The following RCAN3 variants were observed in gnomAD, a reference collection of about 807,000 sequenced individuals.
RCAN3 encodes calcipressin-3.
RCAN3 carries 19 observed loss-of-function variants against 21.9 expected under a neutral mutation model. That is an observed-to-expected ratio of 0.87 (90% CI 0.61 to 1.27). RCAN3 has a LOEUF of 1.27. Among genes scored for constraint, RCAN3 ranks in the 50% most tolerant of loss-of-function variants. The pLI is 0.00. For synonymous variants in RCAN3, 114 were observed against 112.3 expected, an observed-to-expected ratio of 1.01 and a Z score of -0.09; for missense variants, 240 against 300.1, an observed-to-expected ratio of 0.80 and a Z score of 1.48.
In RCAN3 at chr1:24,525,323, C is replaced by G. The variant is rs1373865951; in HGVS notation, c.196-5895C>G. Among the ~76,000 whole-genome samples, 1 of 152,202 alleles carries G rather than the reference C, an allele frequency of 6.6e-6. No homozygotes were observed. Among genetic ancestry groups the G allele is most frequent in the Non-Finnish European group, 1.5e-5 (1 of 68,036 alleles). On this transcript the variant is annotated intron_variant, in intron 2 of 4. Transcript: ENST00000374395. This position sits in a 1 kb window ranked among gnomAD's most constrained non-coding sequence, Gnocchi z 4.1. ...ATTTTAGGTACAAGGTATGTACTGT[C>G]ATTTTGATGACTGACTAACTGCACA... is the stretch of plus-strand genomic sequence containing the variant.
chr1:24,512,389 C>G (rs1446948839), intron 1 of RCAN3, among the ~76,000 whole-genome samples: 1 of 151,612 alleles, frequency 6.6e-6, no homozygotes, highest in Non-Finnish European at 1.5e-5. Context: ...GCTGATGGAA[C>G]GAGGTTCTTT....
rs1247932608 is a variant in RCAN3 at position 24,515,719 on chromosome 1, G to A, written c.195+1152G>A. On this transcript the variant is annotated intron_variant, in intron 2 of 4. Coordinates refer to ENST00000374395, the MANE Select transcript of RCAN3 (RefSeq NM_013441.4). Reference sequence around the variant, plus strand: ...TACGGTGTGCCAGGCGCTGGTGCCAGTTGCTTCAGGGGATAGAGTGTGAGT... The same window carrying A: ...TACGGTGTGCCAGGCGCTGGTGCCAATTGCTTCAGGGGATAGAGTGTGAGT... Among the ~76,000 whole-genome samples, 3 of 152,162 alleles carry A rather than the reference G, an allele frequency of 2.0e-5. No homozygotes were observed. In the East Asian group the frequency reaches 5.8e-4, roughly 29 times the overall value.
chr1:24,503,706 T>G (rs1647248409), intron 1 of RCAN3, among the ~76,000 whole-genome samples: 1 of 152,236 alleles, frequency 6.6e-6, no homozygotes, highest in Non-Finnish European at 1.5e-5. Flanking sequence ...ATCATCTCCT[T>G]TAGAGATTAG....
chr1:24,516,927 C>T (rs981296213), intron 2 of RCAN3, among the ~76,000 whole-genome samples: 2 of 152,128 alleles, frequency 1.3e-5, no homozygotes, highest in African/African-American at 4.8e-5. Flanking sequence ...TGAAATCATC[C>T]TTTTGAGTTT....
chr1:24,519,117 G>A (rs1648578421), intron 2 of RCAN3, among the ~76,000 whole-genome samples: 1 of 151,946 alleles, frequency 6.6e-6, no homozygotes, highest in South Asian at 2.1e-4. Context: ...CGCCATGTTG[G>A]CCAAGCTGGT....
rs533354422 is a variant in RCAN3, at chr1:24,503,377, G to A, written c.-60+227G>A. On this transcript the variant is annotated intron_variant, in intron 1 of 4. Transcript: ENST00000374395. Reference sequence around the variant, plus strand: ...CGGGGTCTAGTCTGGCAGCCTCGAGGGTGGTGTCCCGGAAAACAAAACAAA... The same window carrying A: ...CGGGGTCTAGTCTGGCAGCCTCGAGAGTGGTGTCCCGGAAAACAAAACAAA... 5.5e-4 allele frequency among the ~76,000 whole-genome samples: 84 copies of A among 152,178 alleles called. 1 individual carries two copies. In the South Asian group the frequency reaches 0.017, roughly 31 times the overall value.
chr1:24,534,785 C>T (rs902166990), intron 4 of RCAN3, among the ~76,000 whole-genome samples: 4 of 152,104 alleles, frequency 2.6e-5, no homozygotes, highest in Admixed American at 2.0e-4. Context: ...GCCGACAGAG[C>T]GAGACTCCAT....
intron 1 of RCAN3, among the ~76,000 whole-genome samples, chr1:24,504,158 G>T (rs141585608): frequency 6.6e-6 from 1 of 152,128 alleles, no homozygotes; most frequent in Admixed American, 6.6e-5. Context: ...TTACTGCATT[G>T]GCAAGCCTTG....
intron 2 of RCAN3, among the ~76,000 whole-genome samples, chr1:24,520,529 G>A (rs1192190213): frequency 6.6e-6 from 1 of 152,256 alleles, no homozygotes; most frequent in South Asian, 2.1e-4. Context: ...CATGTCCTTT[G>A]TAGGGACATA....
In RCAN3 at chr1:24,509,904, T is replaced by C. The variant is rs1647739893; in HGVS notation, c.-59-4410T>C. On this transcript the variant is annotated intron_variant, in intron 1 of 4. Transcript: ENST00000374395. The stretch of plus-strand genomic sequence containing the variant: ...AAGACTTGAAAGTCAAAGTTACTCC[T>C]TGATCCATGGGCTGCAGAATGGATA... Among the ~76,000 whole-genome samples, 3 of 152,228 alleles carry C rather than the reference T, an allele frequency of 2.0e-5. No homozygotes were observed. The South Asian group carries it at 6.2e-4, about 32-fold the overall frequency.
chr1:24,533,274 C>T lies in RCAN3; in HGVS notation c.541+20C>T. ...GACCAGGTAATAAACTTCTATTTTT[C>T]CTATTTTCTTCCCCAAGAAACTTTT... On this transcript the variant is annotated intron_variant, in intron 4 of 4. Transcript: ENST00000374395. 4.0e-6 allele frequency: 6 copies of T among 1,502,578 alleles called. No individual in the cohort carries two copies. The highest frequency in any genetic ancestry group is 5.3e-6 in the Non-Finnish European group (6 of 1,124,852). The allele number at this position is 1,502,578 out of a possible 1,614,324, so 93.1% of individuals were successfully genotyped here.
At chr1:24,530,123 A>C (rs1224549460) in intron 2 of RCAN3, among the ~76,000 whole-genome samples, 1 of 151,686 alleles carries the variant, frequency 6.6e-6, no homozygotes, top group African/African-American at 2.4e-5. Context: ...GAGGTCAAGG[A>C]GGATAGATCA....
intron 4 of RCAN3, among the ~76,000 whole-genome samples, chr1:24,534,524 G>A (rs1050598897): frequency 2.6e-5 from 4 of 151,602 alleles, no homozygotes; most frequent in African/African-American, 9.7e-5. Context: ...GGAGAATGGC[G>A]TGAACCCGGG....
intron 1 of RCAN3, among the ~76,000 whole-genome samples, chr1:24,505,234 T>TTC (rs1647344010): frequency 1.4e-5 from 1 of 71,404 alleles, no homozygotes; most frequent in South Asian, 4.1e-4. Flanking sequence ...TCTTTTTTCT[T>TTC]TTTTTTTTTT....
intron 1 of RCAN3, among the ~76,000 whole-genome samples, chr1:24,509,391 C>T (rs577847264): frequency 2.2e-4 from 33 of 152,196 alleles, no homozygotes; most frequent in Non-Finnish European, 2.8e-4. Flanking sequence ...TGCAGCCAAT[C>T]CTCTAAACCC....
At chr1:24,530,544 C>T (rs1649679234) in intron 2 of RCAN3, among the ~76,000 whole-genome samples, 2 of 151,954 alleles carry the variant, frequency 1.3e-5, no homozygotes, top group South Asian at 4.2e-4. Flanking sequence ...GAAATGACAA[C>T]TTTGAAGGAG....
At chr1:24,528,555 T>A (rs766847688) in intron 2 of RCAN3, among the ~76,000 whole-genome samples, 18 of 152,212 alleles carry the variant, frequency 1.2e-4, no homozygotes, top group Admixed American at 2.6e-4. Flanking sequence ...ACCAGCTATA[T>A]TAATGCCAGA....
At chr1:24,535,014 C>CA (rs748466187) in intron 4 of RCAN3, 79 bp from the exon 5 acceptor site, 946 of 1,415,270 alleles carry the variant, frequency 6.7e-4, no homozygotes, top group Non-Finnish European at 8.3e-4. Context: ...AGGAGTAGAA[C>CA]AAAAAGTTGC....
chr1:24,518,769 T>TATTC (rs1245544661), intron 2 of RCAN3, among the ~76,000 whole-genome samples: 62 of 151,558 alleles, frequency 4.1e-4, no homozygotes, highest in African/African-American at 1.5e-3. Flanking sequence ...ATTTATTATT[T>TATTC]ATTTATTTAT....
Sources: gnomAD v4.1 joint callset for allele counts (sites outside exome capture counted in the v4.1 genomes callset) on GRCh38, gnomAD v4.1.1 for gene constraint, Gnocchi (gnomAD v3.1) non-coding constraint, MANE v1.5 for transcripts, NCBI Gene and HGNC (gene_info 2026-07-23, HGNC 2026-07-21) for gene names.